The following SAMD3 variants were observed in gnomAD, a reference collection of about 807,000 sequenced individuals.
SAMD3 encodes sterile alpha motif domain containing 3.
Under a neutral mutation model 58.5 loss-of-function variants are expected in SAMD3, and 63 were observed. The ratio of observed to expected loss-of-function variants is 1.08; its 90% confidence interval spans 0.88 to 1.33. The LOEUF (loss-of-function observed/expected upper bound fraction) is 1.33, where lower values mean the gene tolerates loss of function less well. Among genes scored for constraint, SAMD3 ranks in the 40% most tolerant of loss-of-function variants. SAMD3 has a pLI of 0.00. For missense variants in SAMD3, 604 were observed against 608.4 expected (o/e 0.99, Z 0.08); for synonymous variants, 220 against 210.3 (o/e 1.05, Z -0.40).
At chr6:130,146,870 G>A (rs1788678512) in intron 9 of SAMD3, among the ~76,000 whole-genome samples, 1 of 152,112 alleles carries the variant, frequency 6.6e-6, no homozygotes, top group South Asian at 2.1e-4. Flanking sequence ...CTACTCAGGA[G>A]GCTGAGGTGG....
At chr6:130,267,164 T>C (rs1186296770) in intron 2 of SAMD3, among the ~76,000 whole-genome samples, 1 of 152,164 alleles carries the variant, frequency 6.6e-6, no homozygotes, top group Non-Finnish European at 1.5e-5. Context: ...GTTAAAGACA[T>C]AGTTAAAGAT....
At chr6:130,318,467 C>T (rs560273742) in intron 1 of SAMD3, among the ~76,000 whole-genome samples, 10 of 152,202 alleles carry the variant, frequency 6.6e-5, no homozygotes, top group Admixed American at 3.9e-4. Flanking sequence ...CTCACTCTGT[C>T]GCCCAGGCTG....
intron 8 of SAMD3, among the ~76,000 whole-genome samples, chr6:130,158,369 G>C (rs1301685211): frequency 6.6e-6 from 1 of 152,090 alleles, no homozygotes; most frequent in Admixed American, 6.6e-5. Context: ...TTTACTAGCG[G>C]AAAACAGCAG....
At position 130,209,523 on chromosome 6, in the gene SAMD3, G is replaced by C; in HGVS notation, c.355C>G (p.Leu119Val). The part of the protein sequence containing the change: ...FYPAENLDNG[L>V]IDQRVLKQRR... ...TGTTTCAATACTCTTTGGTCAATTA[G>C]TCCATTATCAAGGTTTTCAGCTGGA... Residue 119 changes from leucine (L) to valine (V), a missense_variant, in exon 5 of 12, where the codon CTA becomes GTA. Leu to Val is a conservative substitution (Grantham distance 32). Transcript: ENST00000439090. 6.2e-7 allele frequency: 1 copy of C among 1,611,996 alleles called. No homozygotes were observed. The highest frequency in any genetic ancestry group is 8.5e-7 in the Non-Finnish European group (1 of 1,178,072).
rs1788436797 is a variant in SAMD3, at chr6:130,144,547, T to C, written c.1536A>G (p.Glu512=). Residue 512 remains glutamate (E), a synonymous_variant, in exon 12 of 12, where the codon GAA becomes GAG. Coordinates refer to ENST00000439090, the MANE Select transcript of SAMD3 (RefSeq NM_001017373.4). The stretch of plus-strand genomic sequence containing the variant: ...AAGTGAGTGGGTGCTGAAATCCTAC[T>C]TCGTTTTCCTTTTCTTTCAAAGAAG... The part of the protein sequence containing the change: ...YFPSLKEKEN[E]VGFQHPLT The C allele has an allele frequency of 6.2e-7, 1 of 1,613,922 alleles. No homozygotes were observed. The highest frequency in any genetic ancestry group is 1.1e-5 in the South Asian group (1 of 91,078).
intron 2 of SAMD3, among the ~76,000 whole-genome samples, chr6:130,262,627 T>A (rs1210625120): frequency 6.6e-6 from 1 of 151,994 alleles, no homozygotes. Context: ...CAAGAAATGT[T>A]GTATAATTTA....
chr6:130,170,594 C>T (rs13218170), intron 8 of SAMD3, among the ~76,000 whole-genome samples: 14,416 of 152,178 alleles, frequency 0.095, 1,091 homozygotes, highest in African/African-American at 0.21. Context: ...GAATGTCTTT[C>T]TTTTCCTTTG....
chr6:130,184,985 C>A (rs1162547631), intron 5 of SAMD3, among the ~76,000 whole-genome samples: 1 of 152,156 alleles, frequency 6.6e-6, no homozygotes, highest in East Asian at 1.9e-4. Context: ...TGCAATTCAG[C>A]AAAGCAAATG....
intron 1 of SAMD3, among the ~76,000 whole-genome samples, chr6:130,220,822 C>G (rs1796187643): frequency 6.6e-6 from 1 of 151,718 alleles, no homozygotes; most frequent in South Asian, 2.1e-4. Flanking sequence ...AGAATAGAAA[C>G]TTAGAAACAG....
At chr6:130,308,410 A>ATTCTATTCTATTCT (rs1562513192) in intron 2 of SAMD3, among the ~76,000 whole-genome samples, 13 of 119,518 alleles carry the variant, frequency 1.1e-4, no homozygotes, top group African/African-American at 3.3e-4. Context: ...ATTCTATTCT[A>ATTCTATTCTATTCT]TTCTATTCTA....
chr6:130,339,413 T>C (rs936545489), intron 1 of SAMD3, among the ~76,000 whole-genome samples: 2 of 152,136 alleles, frequency 1.3e-5, no homozygotes, highest in African/African-American at 4.8e-5. Flanking sequence ...TGGAAAGAGA[T>C]GATTGGATCA....
At chr6:130,217,453 T>G (rs1796062873) in intron 1 of SAMD3, among the ~76,000 whole-genome samples, 2 of 152,226 alleles carry the variant, frequency 1.3e-5, no homozygotes, top group South Asian at 4.1e-4. Flanking sequence ...TGAATGCTCC[T>G]GACAAACCAT....
At chr6:130,190,437 G>A (rs116714909) in intron 5 of SAMD3, among the ~76,000 whole-genome samples, 3,041 of 152,182 alleles carry the variant, frequency 0.02, 97 homozygotes, top group African/African-American at 0.07. Context: ...AATGTTCAGT[G>A]AATTAAAGGC....
intron 1 of SAMD3, among the ~76,000 whole-genome samples, chr6:130,346,376 T>C (rs1451981128): frequency 6.6e-6 from 1 of 152,214 alleles, no homozygotes; most frequent in Non-Finnish European, 1.5e-5. Flanking sequence ...CCCACACTAA[T>C]ACTGCGCTTT....
intron 1 of SAMD3, among the ~76,000 whole-genome samples, chr6:130,217,421 A>G (rs1442899392): frequency 6.6e-6 from 1 of 152,236 alleles, no homozygotes; most frequent in Non-Finnish European, 1.5e-5. Flanking sequence ...ATTTTTAAGA[A>G]GAATTAATAA....
At chr6:130,203,943 C>G (rs756025192) in intron 5 of SAMD3, among the ~76,000 whole-genome samples, 33 of 152,108 alleles carry the variant, frequency 2.2e-4, no homozygotes, top group Non-Finnish European at 3.5e-4. Flanking sequence ...AAAGAGCCTG[C>G]AAACAACGCA....
intron 8 of SAMD3, among the ~76,000 whole-genome samples, chr6:130,172,232 G>A (rs1791317468): frequency 1.3e-5 from 2 of 152,182 alleles, no homozygotes; most frequent in Non-Finnish European, 2.9e-5. Flanking sequence ...ATTGTTATGT[G>A]TGAATTTGAT....
intron 2 of SAMD3, among the ~76,000 whole-genome samples, chr6:130,276,579 T>C (rs544632664): frequency 1.1e-4 from 17 of 152,262 alleles, no homozygotes; most frequent in African/African-American, 4.1e-4. Context: ...ACATGTATCA[T>C]GAAAGCAGAA....
intron 9 of SAMD3, among the ~76,000 whole-genome samples, chr6:130,150,904 G>A (rs1789108321): frequency 6.6e-6 from 1 of 151,930 alleles, no homozygotes; most frequent in Non-Finnish European, 1.5e-5. Context: ...TAGAGACAGG[G>A]TTTCACCATG....
Sources: allele counts gnomAD v4.1 joint callset (sites outside exome capture counted in the v4.1 genomes callset), GRCh38; gene constraint gnomAD v4.1.1; transcripts MANE v1.5; gene names NCBI Gene and HGNC (gene_info 2026-07-23, HGNC 2026-07-21).